Variants in GSG1 observed in about 807,000 individuals in gnomAD.
GSG1 encodes germ cell associated 1.
In GSG1, 28 loss-of-function variants were observed where a neutral mutation model predicts 30.8. The ratio of observed to expected loss-of-function variants is 0.91; its 90% CI spans 0.67 to 1.25. The LOEUF (loss-of-function observed/expected upper bound fraction) is 1.25. Ranked by LOEUF, GSG1 falls within the 50% of genes most tolerant of loss-of-function variation. GSG1 has a pLI of 0.00. For synonymous variants in GSG1, 162 were observed against 178.0 expected (o/e 0.91, Z 0.71); for missense variants, 435 against 444.7 (o/e 0.98, Z 0.20).
At chr12:13,090,912 C>T (rs1346850638) in intron 1 of GSG1, 94 bp from the exon 2 acceptor site, 13 of 1,036,930 alleles carry the variant, frequency 1.3e-5, no homozygotes, top group South Asian at 3.2e-5. Flanking sequence ...TGCACTCCCT[C>T]CGCTCAAGCC....
chr12:13,096,230 T>C (rs1270770598), intron 1 of GSG1, among the ~76,000 whole-genome samples: 1 of 152,006 alleles, frequency 6.6e-6, no homozygotes, highest in Non-Finnish European at 1.5e-5. Context: ...TCCCAGCACT[T>C]TGGGAGGCCT....
At chr12:13,099,567 CAGT>C (rs1862997251) in intron 1 of GSG1, among the ~76,000 whole-genome samples, 1 of 152,136 alleles carries the variant, frequency 6.6e-6, no homozygotes, top group African/African-American at 2.4e-5. Flanking sequence ...CAAGAGAAAA[CAGT>C]GGTGTTGGGG....
rs1234228807 is a variant in GSG1, at chr12:13,093,772, C to T, written c.49-2954G>A. Among the ~76,000 whole-genome samples, 5 of 152,046 alleles carry T rather than the reference C, an allele frequency of 3.3e-5. No individual in the cohort carries two copies. Among genetic ancestry groups the T allele is most frequent in the Non-Finnish European group, 5.9e-5 (4 of 68,020 alleles). On this transcript the variant is annotated intron_variant, in intron 1 of 6. Transcript: ENST00000651961. The surrounding 1 kb of genome is among the most constrained non-coding windows in gnomAD (Gnocchi z 4.6). ...ACAGTGGGGACATAGGGGAGGCTGC[C>T]GAAAGAACTGAGGCCCCAGATGGCT...
chr12:13,087,876 A>T, intron 5 of GSG1, 31 bp downstream of exon 5: 1 of 1,608,958 alleles, frequency 6.2e-7, no homozygotes, highest in Non-Finnish European at 8.5e-7. Context: ...GCCAGGGCCA[A>T]CCACCCTCTC....
At chr12:13,088,775 C>G in intron 4 of GSG1, 87 bp downstream of exon 4, 1 of 1,613,886 alleles carries the variant, frequency 6.2e-7, no homozygotes, top group East Asian at 2.2e-5. Context: ...GGGAGGGAAG[C>G]CTTCTCCATC....
rs1377149131 is a variant in GSG1 at position 13,090,614 on chromosome 12, A to C, written c.253T>G (p.Ser85Ala). 6.2e-7 allele frequency: 1 copy of C among 1,614,044 alleles called. No individual in the cohort carries two copies. Among genetic ancestry groups the C allele is most frequent in the African/African-American group, 1.3e-5 (1 of 74,914 alleles). ...PVSLDGDTNT[S>A]TQEVVQYNWE... ...TTGTATTGTACCACCTCCTGGGTGG[A>C]TGTGTTGGTATCTCCATCCAGGGAC... The change falls in exon 2 of 7, where the codon TCC (serine) becomes GCC (alanine). Residue 85 changes from serine to alanine, a missense_variant. Transcript: ENST00000651961.
rs1866373152 is a variant in GSG1, at chr12:13,093,605, G to T, written c.49-2787C>A. Among the ~76,000 whole-genome samples the T allele has an allele frequency of 6.6e-6, 1 of 152,180 alleles. No individual in the cohort carries two copies. The highest frequency in any genetic ancestry group is 2.4e-5 in the African/African-American group (1 of 41,438). On this transcript the variant is annotated intron_variant, in intron 1 of 6. Transcript: ENST00000651961. The surrounding 1 kb of genome is among the most constrained non-coding windows in gnomAD (Gnocchi z 4.6). ...GACAATAGAGTTTCAAATGCGAGGT[G>T]GCTGTGTGGTGCCTGTGTAGGCTGG...
Position 13,088,042 on chromosome 12 carries a change from G to T in GSG1, c.499C>A (p.Leu167Met). The change falls in exon 5 of 7, where the codon CTG (leucine) becomes ATG (methionine). Residue 167 changes from leucine (L) to methionine (M), a missense_variant. Physicochemically the swap from Leu to Met is conservative, Grantham distance 15. Coordinates refer to ENST00000651961, the MANE Select transcript of GSG1 (RefSeq NM_001080555.4). ...PAKREILWLS[L>M]GTQITYIGLQ... The stretch of plus-strand genomic sequence containing the variant: ...CCGATGTAGGTGATCTGCGTTCCCA[G>T]GGATAACCATAGGATTTCTGCCAGA... 1.2e-6 allele frequency: 2 copies of T among 1,614,218 alleles called. No homozygotes were observed. Among genetic ancestry groups the T allele is most frequent in the Middle Eastern group, 1.7e-4 (1 of 6,058 alleles).
chr12:13,097,517 A>G (rs1469076295), intron 1 of GSG1, among the ~76,000 whole-genome samples: 3 of 152,034 alleles, frequency 2.0e-5, no homozygotes, highest in Admixed American at 1.3e-4. Context: ...CCTTCTCACA[A>G]CACTTTCTGT....
rs1468690208 is a variant in GSG1, at chr12:13,088,007, G to T, written c.534C>A (p.Phe178Leu). Residue 178 changes from phenylalanine (F) to leucine (L), a missense_variant, in exon 5 of 7, where the codon TTC becomes TTA. By Grantham distance (22) the Phe-to-Leu change is conservative (BLOSUM62 0). Transcript: ENST00000651961. ...GTQITYIGLQ[F>L]ISFLLLLTDL... Reference sequence around the variant, plus strand: ...CTGTTAGTAGCAGGAGGAAGCTGATGAATTGAAGTCCGATGTAGGTGATCT... The same window carrying T: ...CTGTTAGTAGCAGGAGGAAGCTGATTAATTGAAGTCCGATGTAGGTGATCT... 1 of 1,614,260 alleles carries T rather than the reference G, an allele frequency of 6.2e-7. No homozygotes were observed. Among genetic ancestry groups the T allele is most frequent in the East Asian group, 2.2e-5 (1 of 44,894 alleles).
intron 1 of GSG1, among the ~76,000 whole-genome samples, chr12:13,098,544 T>C (rs1477957984): frequency 7.7e-6 from 1 of 129,130 alleles, no homozygotes; most frequent in African/African-American, 2.9e-5. Context: ...ATACTTCCCA[T>C]GGGAAATACA....
Position 13,088,118 on chromosome 12 carries a change from C to A in GSG1, c.482-59G>T, listed in dbSNP as rs1013016904. On this transcript the variant is annotated intron_variant, in intron 4 of 6. Coordinates refer to ENST00000651961, the MANE Select transcript of GSG1 (RefSeq NM_001080555.4). ...CCTGACAGTTAAAAAACTGAATAAGCGGTGAGCATAGGATGCCTATTAGGA... is the reference window on the plus strand; with the variant it reads ...CCTGACAGTTAAAAAACTGAATAAGAGGTGAGCATAGGATGCCTATTAGGA... 7 of 1,593,902 alleles carry A rather than the reference C, an allele frequency of 4.4e-6. No individual in the cohort carries two copies. The African/African-American group carries it at 9.4e-5, about 21-fold the overall frequency.
chr12:13,088,613 C>T (rs1055096877), intron 4 of GSG1: 3 of 825,220 alleles, frequency 3.6e-6, no homozygotes, highest in Non-Finnish European at 5.7e-6. Flanking sequence ...TGAAAGTCAG[C>T]TCAAGGAGGA....
Position 13,103,591 on chromosome 12 carries a change from T to G in GSG1, c.-79A>C. The G allele has an allele frequency of 6.7e-7, 1 of 1,494,618 alleles. No individual in the cohort carries two copies. The highest frequency in any genetic ancestry group is 9.3e-7 in the Non-Finnish European group (1 of 1,073,206). 92.6% of individuals were successfully genotyped at this position (1,494,618 alleles called of 1,614,324 possible). On this transcript the variant is annotated 5_prime_UTR_variant, in exon 1 of 7. Coordinates refer to ENST00000651961, the MANE Select transcript of GSG1 (RefSeq NM_001080555.4). ...CAATCAGTTGGGTAGAATGAGTGTT[T>G]AGCGTGAGGATGAATCAGGTCCCCT... is the stretch of plus-strand genomic sequence containing the variant.
chr12:13,084,878 T>C lies in GSG1; in HGVS notation c.*23A>G. The C allele has an allele frequency of 6.8e-7, 1 of 1,474,430 alleles. No individual in the cohort carries two copies. The highest frequency in any genetic ancestry group is 9.2e-7 in the Non-Finnish European group (1 of 1,088,480). 91.3% of individuals were successfully genotyped at this position (1,474,430 alleles called of 1,614,324 possible). ...AGACGTGTAAGGTAGGGCTCAAGCCTACTCCCCAAACCCGCTTAACTCCTA... is the reference window on the plus strand; with the variant it reads ...AGACGTGTAAGGTAGGGCTCAAGCCCACTCCCCAAACCCGCTTAACTCCTA... On this transcript the variant is annotated 3_prime_UTR_variant, in exon 7 of 7. Coordinates refer to ENST00000651961, the MANE Select transcript of GSG1 (RefSeq NM_001080555.4).
intron 4 of GSG1, among the ~76,000 whole-genome samples, chr12:13,088,441 A>G (rs961289605): frequency 2.0e-5 from 3 of 151,856 alleles, no homozygotes; most frequent in African/African-American, 7.3e-5. Context: ...TTTTCCTTTC[A>G]TTTTACCAAA....
At chr12:13,094,375 G>A (rs575380455) in intron 1 of GSG1, among the ~76,000 whole-genome samples, 1 of 152,298 alleles carries the variant, frequency 6.6e-6, no homozygotes, top group African/African-American at 2.4e-5. Context: ...CTGCTAATAT[G>A]ATTTTACTTT....
intron 6 of GSG1, among the ~76,000 whole-genome samples, chr12:13,086,422 T>C (rs1326655357): frequency 6.6e-6 from 1 of 152,230 alleles, no homozygotes; most frequent in African/African-American, 2.4e-5. Context: ...CATCACTGTG[T>C]CTTTTCAGTG....
At chr12:13,099,750 G>GTTTTTTT (rs57762367) in intron 1 of GSG1, among the ~76,000 whole-genome samples, 1,950 of 114,428 alleles carry the variant, frequency 0.017, 43 homozygotes, top group African/African-American at 0.048. Flanking sequence ...GTTTTTTTTT[G>GTTTTTTT]TTTTTTTTTT....
Sources: allele counts gnomAD v4.1 joint callset (sites outside exome capture counted in the v4.1 genomes callset), GRCh38; gene constraint gnomAD v4.1.1; non-coding constraint Gnocchi (gnomAD v3.1); transcripts MANE v1.5; gene names NCBI Gene and HGNC (gene_info 2026-07-23, HGNC 2026-07-21).